The following THAP4 variants were observed in gnomAD, a reference collection of about 807,000 sequenced individuals.
THAP4 encodes the protein peroxynitrite isomerase THAP4.
THAP4 carries 18 observed loss-of-function variants against 48.1 expected under a neutral mutation model. The ratio of observed to expected loss-of-function variants is 0.37; its 90% CI spans 0.26 to 0.56. The LOEUF (loss-of-function observed/expected upper bound fraction) is 0.56. Ranked by LOEUF, THAP4 falls within the 20% of genes least tolerant of loss-of-function variation. The pLI, the probability that THAP4 is intolerant of heterozygous loss-of-function variation, is 0.78. For synonymous variants in THAP4, 345 were observed against 324.9 expected (o/e 1.06, Z -0.66); for missense variants, 656 against 774.9 (o/e 0.85, Z 1.82).
intron 5 of THAP4, among the ~76,000 whole-genome samples, chr2:241,590,825 C>A (rs1181760755): frequency 1.3e-5 from 2 of 151,404 alleles, no homozygotes; most frequent in African/African-American, 4.9e-5. Context: ...CACTAGGACA[C>A]GCAGAGCTGC....
chr2:241,628,273 G>C (rs899198432), intron 2 of THAP4, among the ~76,000 whole-genome samples: 63 of 151,912 alleles, frequency 4.1e-4, no homozygotes, highest in Non-Finnish European at 1.0e-4. Flanking sequence ...GGGCACTGAA[G>C]CCCAGCCTAG....
At chr2:241,608,156 TGGA>T (rs1208732126) in intron 2 of THAP4, among the ~76,000 whole-genome samples, 3 of 151,870 alleles carry the variant, frequency 2.0e-5, no homozygotes, top group Admixed American at 6.6e-5. Context: ...GCTCTGGGGG[TGGA>T]GGAGACCACG....
Position 241,616,910 on chromosome 2 carries a change from G to A in THAP4, c.1241-10437C>T, listed in dbSNP as rs922957036. Among the ~76,000 whole-genome samples the A allele has an allele frequency of 2.0e-5, 3 of 152,074 alleles. No homozygotes were observed. Among genetic ancestry groups the A allele is most frequent in the Admixed American group, 6.6e-5 (1 of 15,260 alleles). On this transcript the variant is annotated intron_variant, in intron 2 of 5. Coordinates refer to ENST00000407315, the MANE Select transcript of THAP4 (RefSeq NM_015963.6). This position sits in a 1 kb window ranked among gnomAD's most constrained non-coding sequence, Gnocchi z 4.6. ...CAGGCAGTAAACAAGCAGCGGCGGC[G>A]CCTCCTTCTGTCTACACTGCACCTC... is the stretch of plus-strand genomic sequence containing the variant.
At chr2:241,637,186 G>GC (rs2067686560), upstream of THAP4, 1 of 983,686 alleles carries the variant, frequency 1.0e-6, no homozygotes, top group African/African-American at 1.8e-5. Context: ...CAGCGGGCCC[G>GC]CCCCCGCCCC....
At chr2:241,637,382 G>A (rs1370638061), upstream of THAP4, 9 of 1,405,270 alleles carry the variant, frequency 6.4e-6, no homozygotes, top group East Asian at 3.2e-4. Flanking sequence ...CTGCTCGGAC[G>A]GGGACAGAGC....
At chr2:241,584,936 C>T (rs1353806989) in intron 5 of THAP4, 1 of 610,612 alleles carries the variant, frequency 1.6e-6, no homozygotes, top group African/African-American at 1.8e-5. Flanking sequence ...CAGGGGAACA[C>T]AGGGATTGTT....
intron 2 of THAP4, among the ~76,000 whole-genome samples, chr2:241,607,312 G>C (rs999912496): frequency 6.6e-5 from 10 of 151,998 alleles, no homozygotes; most frequent in Non-Finnish European, 1.5e-4. Flanking sequence ...GCAAGGACTG[G>C]GTGCTCCCGA....
At chr2:241,608,929 C>T (rs146170406) in intron 2 of THAP4, among the ~76,000 whole-genome samples, 8 of 152,330 alleles carry the variant, frequency 5.3e-5, no homozygotes, top group African/African-American at 1.7e-4. Context: ...GTGCCAGAGA[C>T]GGAGGTCCTG....
intron 5 of THAP4, among the ~76,000 whole-genome samples, chr2:241,600,191 T>C (rs1033413700): frequency 1.3e-5 from 2 of 151,348 alleles, no homozygotes; most frequent in Non-Finnish European, 2.9e-5. Flanking sequence ...GCAAGACTCC[T>C]TCTCAAAAAA....
chr2:241,587,001 G>GC (rs1420600036), intron 5 of THAP4, among the ~76,000 whole-genome samples: 1 of 152,196 alleles, frequency 6.6e-6, no homozygotes, highest in African/African-American at 2.4e-5. Flanking sequence ...TTATATCACA[G>GC]CAAAACTTTG....
At chr2:241,613,778 A>C (rs949466269) in intron 2 of THAP4, among the ~76,000 whole-genome samples, 13 of 152,084 alleles carry the variant, frequency 8.5e-5, no homozygotes, top group African/African-American at 3.1e-4. Context: ...AAACAAAACA[A>C]AAAAAAGTAA....
At chr2:241,611,413 C>T (rs924681311) in intron 2 of THAP4, among the ~76,000 whole-genome samples, 3 of 152,190 alleles carry the variant, frequency 2.0e-5, no homozygotes, top group Non-Finnish European at 4.4e-5. Context: ...AGAAGTAATG[C>T]GCCACTCCGA....
chr2:241,618,348 A>G (rs2067373161), intron 2 of THAP4, among the ~76,000 whole-genome samples: 1 of 152,244 alleles, frequency 6.6e-6, no homozygotes, highest in Non-Finnish European at 1.5e-5. Flanking sequence ...TGCAAATGTT[A>G]TGTTTGATTT....
At chr2:241,624,740 G>A (rs1378324771) in intron 2 of THAP4, among the ~76,000 whole-genome samples, 1 of 152,112 alleles carries the variant, frequency 6.6e-6, no homozygotes, top group Admixed American at 6.6e-5. Flanking sequence ...GAGGGGGTGG[G>A]GCTCAAAGCC....
chr2:241,615,525 T>C (rs1161473874), intron 2 of THAP4, among the ~76,000 whole-genome samples: 1 of 152,250 alleles, frequency 6.6e-6, no homozygotes, highest in Non-Finnish European at 1.5e-5. Context: ...CCTTGGCTCC[T>C]GGCCCCAGGG....
intron 1 of THAP4, among the ~76,000 whole-genome samples, chr2:241,636,584 A>G (rs1026148295): frequency 2.6e-5 from 4 of 152,332 alleles, no homozygotes; most frequent in African/African-American, 9.6e-5. Flanking sequence ...TCCTGCTCGC[A>G]GACATCCAGG....
In THAP4 at chr2:241,611,400, T is replaced by C. The variant is rs149455821; in HGVS notation, c.1241-4927A>G. 8.8e-3 allele frequency among the ~76,000 whole-genome samples: 1,336 copies of C among 152,212 alleles called. 5 individuals carry two copies. Among genetic ancestry groups the C allele is most frequent in the Non-Finnish European group, 0.016 (1,086 of 67,978 alleles). On this transcript the variant is annotated intron_variant, in intron 2 of 5. Transcript: ENST00000407315. ...ATGCAGGGTTACCCACCACCCGCCA[T>C]AGAGAAGTAATGCGCCACTCCGAAA...
chr2:241,597,545 C>A (rs1575020977), intron 5 of THAP4, among the ~76,000 whole-genome samples: 1 of 152,174 alleles, frequency 6.6e-6, no homozygotes, highest in East Asian at 1.9e-4. Flanking sequence ...TTGTATTTGG[C>A]TACAAACAAA....
intron 5 of THAP4, among the ~76,000 whole-genome samples, chr2:241,590,809 A>C (rs76793754): frequency 1.6e-3 from 49 of 29,826 alleles, no homozygotes; most frequent in East Asian, 2.8e-3. Context: ...GGCTGATGAT[A>C]ATGGGCACTA....
Sources: gnomAD v4.1 joint callset for allele counts (sites outside exome capture counted in the v4.1 genomes callset) on GRCh38, gnomAD v4.1.1 for gene constraint, Gnocchi (gnomAD v3.1) non-coding constraint, MANE v1.5 for transcripts, NCBI Gene and HGNC (gene_info 2026-07-23, HGNC 2026-07-21) for gene names.